GPR155: variants seen among roughly 807,000 people sequenced by gnomAD.
GPR155 encodes the protein G protein-coupled receptor 155.
Under a neutral mutation model 93.1 loss-of-function variants are expected in GPR155, and 65 were observed. That is an observed-to-expected ratio of 0.70 (90% confidence interval 0.57 to 0.86). The LOEUF (loss-of-function observed/expected upper bound fraction) is 0.86. Ranked by LOEUF, GPR155 falls within the 40% of genes least tolerant of loss-of-function variation. The probability of loss-of-function intolerance (pLI) is 0.00; values close to 1 mark genes in which losing one functional copy is unlikely to be tolerated. For missense variants in GPR155, 838 were observed against 1,034.8 expected (o/e 0.81, Z 2.61); for synonymous variants, 319 against 360.1 (o/e 0.89, Z 1.29).
intron 7 of GPR155, among the ~76,000 whole-genome samples, chr2:174,461,964 C>T (rs1298330033): frequency 2.0e-5 from 3 of 152,120 alleles, no homozygotes; most frequent in Non-Finnish European, 4.4e-5. Context: ...TGGATAGGGT[C>T]TCACTCTGTT....
rs191694663 is a variant in GPR155 at position 174,434,345 on chromosome 2, G to C, written c.*1771C>G. On this transcript the variant is annotated 3_prime_UTR_variant, in exon 16 of 16. Coordinates refer to ENST00000392552, the MANE Select transcript of GPR155 (RefSeq NM_152529.7). ...TTTAACTACAGGGAATAAAGTAGAAGTTATCCTGCATTACGATGCTTTGTT... is the reference window on the plus strand; with the variant it reads ...TTTAACTACAGGGAATAAAGTAGAACTTATCCTGCATTACGATGCTTTGTT... 1 of 151,272 alleles carries C rather than the reference G, an allele frequency of 6.6e-6. No homozygotes were observed. Among genetic ancestry groups the C allele is most frequent in the East Asian group, 1.9e-4 (1 of 5,166 alleles). The allele number at this position is 151,272 out of a possible 1,614,324, so 9.4% of individuals were successfully genotyped here. A position where few individuals can be genotyped will look rare whatever the true frequency, so the allele number is the denominator to read the frequency against.
intron 14 of GPR155, among the ~76,000 whole-genome samples, chr2:174,441,219 T>C (rs1686949194): frequency 6.6e-6 from 1 of 152,022 alleles, no homozygotes; most frequent in African/African-American, 2.4e-5. Context: ...AAGCATAATA[T>C]AGCAAATTTT....
chr2:174,443,598 A>G (rs1310786867), intron 13 of GPR155, among the ~76,000 whole-genome samples: 2 of 152,152 alleles, frequency 1.3e-5, no homozygotes, highest in African/African-American at 4.8e-5. Flanking sequence ...GCATGGTAGC[A>G]GGTGCCTGTA....
At position 174,433,596 on chromosome 2, in the gene GPR155, G is replaced by T. The variant is rs1686696518; in HGVS notation, c.*2520C>A. The T allele has an allele frequency of 6.6e-6, 1 of 152,002 alleles. No individual in the cohort carries two copies. Among genetic ancestry groups the T allele is most frequent in the African/African-American group, 2.4e-5 (1 of 41,414 alleles). The allele number at this position is 152,002 out of a possible 1,614,324, so 9.4% of individuals were successfully genotyped here. A position where few individuals can be genotyped will look rare whatever the true frequency, so the allele number is the denominator to read the frequency against. ...TCAATGTGTTAGTATTAGGAGGTAG[G>T]GCCTTTGAGAGGTTATTAGATCATG... is the stretch of plus-strand genomic sequence containing the variant. On this transcript the variant is annotated 3_prime_UTR_variant, in exon 16 of 16. Transcript: ENST00000392552.
At chr2:174,484,704 G>C (rs947484871) in intron 1 of GPR155, among the ~76,000 whole-genome samples, 1 of 152,220 alleles carries the variant, frequency 6.6e-6, no homozygotes. Flanking sequence ...GCCCAGGCAG[G>C]TGGACTGTGT....
At position 174,473,054 on chromosome 2, in the gene GPR155, T is replaced by C. The variant is rs956545764; in HGVS notation, c.771A>G (p.Leu257=). The change falls in exon 3 of 16, where the codon CTA becomes CTG. Residue 257 remains leucine (L), a synonymous_variant. Coordinates refer to ENST00000392552, the MANE Select transcript of GPR155 (RefSeq NM_152529.7). ...CCACCATCGTGAGACCAAGATAAAA[T>C]AGGGCTGATCCAGAAAAAGAATTTC... ...GLGNSFSGSA[L]FYLGLTMVGK... The C allele has an allele frequency of 3.7e-6, 6 of 1,600,840 alleles. No individual in the cohort carries two copies. The highest frequency in any genetic ancestry group is 5.1e-6 in the Non-Finnish European group (6 of 1,176,990).
chr2:174,458,746 G>A (rs1012675013), intron 10 of GPR155, among the ~76,000 whole-genome samples: 5 of 152,108 alleles, frequency 3.3e-5, no homozygotes, highest in African/African-American at 1.2e-4. Flanking sequence ...TAAGAGTCAC[G>A]AAGTATTTGT....
rs150033056 is a variant in GPR155, at chr2:174,468,906, A to T, written c.1182+6T>A. ...TTCCATTCATTTTGGGATGCAACGT[A>T]CTTACCAAGGAGATCAGGCTGACAA... On this transcript the variant is annotated splice_donor_region_variant and intron_variant, in intron 5 of 15. Coordinates refer to ENST00000392552, the MANE Select transcript of GPR155 (RefSeq NM_152529.7). 7.0e-5 allele frequency: 113 copies of T among 1,611,880 alleles called. No homozygotes were observed. In the African/African-American group the frequency reaches 1.3e-3, roughly 18 times the overall value.
At chr2:174,460,784 A>T (rs1687668703) in intron 9 of GPR155, among the ~76,000 whole-genome samples, 1 of 152,228 alleles carries the variant, frequency 6.6e-6, no homozygotes, top group Non-Finnish European at 1.5e-5. Flanking sequence ...ATTAAAAATA[A>T]TTATAGCTAA....
chr2:174,450,882 A>G (rs1687298118), intron 11 of GPR155, among the ~76,000 whole-genome samples: 2 of 152,186 alleles, frequency 1.3e-5, no homozygotes, highest in Non-Finnish European at 2.9e-5. Flanking sequence ...GAAGGTTCAT[A>G]ATGTTGCTAA....
intron 3 of GPR155, among the ~76,000 whole-genome samples, chr2:174,472,695 A>G (rs1465829999): frequency 1.3e-5 from 2 of 152,234 alleles, no homozygotes; most frequent in Non-Finnish European, 2.9e-5. Context: ...AAACTGGGAC[A>G]TGAGGAGATA....
chr2:174,461,718 C>A, intron 7 of GPR155, 46 bp from the exon 8 acceptor site: 1 of 1,058,036 alleles, frequency 9.5e-7, no homozygotes, highest in South Asian at 1.3e-5. Context: ...CAACATTGAT[C>A]AGACTTTATG....
intron 13 of GPR155, among the ~76,000 whole-genome samples, chr2:174,444,549 G>A (rs1014120125): frequency 3.0e-5 from 4 of 134,016 alleles, no homozygotes; most frequent in African/African-American, 1.1e-4. Flanking sequence ...CTGGAGTGCA[G>A]TAGCACAGTC....
rs535160743 is a variant in GPR155, at chr2:174,441,421, A to T, written c.2174+698T>A. Among the ~76,000 whole-genome samples the T allele has an allele frequency of 8.0e-3, 1,208 of 151,198 alleles. 18 individuals carry two copies. The highest frequency in any genetic ancestry group is 0.027 in the African/African-American group (1,126 of 41,372). On this transcript the variant is annotated intron_variant, in intron 14 of 15. Transcript: ENST00000392552. ...ATTAAAATATATATATATTTAAAAA[A>T]TTTTTTTTAATTTTTATTTTTATTA... is the stretch of plus-strand genomic sequence containing the variant.
intron 11 of GPR155, among the ~76,000 whole-genome samples, chr2:174,447,846 A>G (rs115996429): frequency 0.036 from 5,324 of 148,186 alleles, 318 homozygotes; most frequent in African/African-American, 0.12. Context: ...TATAATATAT[A>G]TTTTTATTTT....
chr2:174,447,593 A>T (rs961547485), intron 11 of GPR155, among the ~76,000 whole-genome samples: 16 of 146,186 alleles, frequency 1.1e-4, no homozygotes, highest in East Asian at 9.8e-4. Context: ...ATAAATAAAA[A>T]TTTTATATTT....
chr2:174,484,661 C>G (rs1189926563), intron 1 of GPR155, among the ~76,000 whole-genome samples: 1 of 152,138 alleles, frequency 6.6e-6, no homozygotes, highest in Non-Finnish European at 1.5e-5. Context: ...TCAGTCATAG[C>G]AGCTCACGCC....
chr2:174,440,354 C>G (rs1285299450), intron 14 of GPR155, among the ~76,000 whole-genome samples: 1 of 152,138 alleles, frequency 6.6e-6, no homozygotes, highest in Non-Finnish European at 1.5e-5. Context: ...ACTCTACATT[C>G]TACTGTTTTG....
At chr2:174,468,390 TTTTAG>T (rs1276477661) in intron 5 of GPR155, among the ~76,000 whole-genome samples, 5 of 152,196 alleles carry the variant, frequency 3.3e-5, no homozygotes, top group African/African-American at 1.2e-4. Context: ...AATTATTTAA[TTTTAG>T]TTAGATATAT....
Sources: allele counts gnomAD v4.1 joint callset (sites outside exome capture counted in the v4.1 genomes callset), GRCh38; gene constraint gnomAD v4.1.1; transcripts MANE v1.5; gene names NCBI Gene and HGNC (gene_info 2026-07-23, HGNC 2026-07-21).